The following PIK3CD variants were observed in gnomAD, a reference collection of about 807,000 sequenced individuals.
PIK3CD encodes the protein phosphatidylinositol 4,5-bisphosphate 3-kinase catalytic subunit delta isoform.
In PIK3CD, 20 loss-of-function variants were observed where a neutral mutation model predicts 122.9. The ratio of observed to expected loss-of-function variants is 0.16; its 90% confidence interval spans 0.11 to 0.24. The LOEUF is 0.24. Among genes scored for constraint, PIK3CD ranks in the 10% least tolerant of loss-of-function variants. The pLI is 1.00. For missense variants in PIK3CD, 787 were observed against 1,406.3 expected (o/e 0.56, Z 7.04); for synonymous variants, 596 against 593.4 (o/e 1.00, Z -0.06).
At position 9,723,153 on chromosome 1, in the gene PIK3CD, G is replaced by A. The variant is rs1648958091; in HGVS notation, c.2455G>A (p.Gly819Arg). The part of the protein sequence containing the change: ...RMTPYGCLPT[G>R]DRTGLIEVVL... ...GACCCCCTATGGCTGCCTCCCCACC[G>A]GGGACCGCACAGGCCTCATTGAGGT... is the stretch of plus-strand genomic sequence containing the variant. The change falls in exon 20 of 24, where the codon GGG (glycine) becomes AGG (arginine). Residue 819 changes from glycine (G) to arginine (R), a missense_variant. By Grantham distance (125) the Gly-to-Arg change is moderately radical. Transcript: ENST00000377346. The surrounding 1 kb of genome is among the most constrained non-coding windows in gnomAD (Gnocchi z 4.9). 5 of 1,613,600 alleles carry A rather than the reference G, an allele frequency of 3.1e-6. No individual in the cohort carries two copies. Among genetic ancestry groups the A allele is most frequent in the Non-Finnish European group, 4.2e-6 (5 of 1,179,984 alleles).
chr1:9,635,275 G>GAAA, the PIK3CD span, among the ~76,000 whole-genome samples: 153 of 128,580 alleles, frequency 1.2e-3, 2 homozygotes, highest in East Asian at 2.4e-3. Flanking sequence ...ACTCCATCCT[G>GAAA]AAAAAAAAAA....
rs1648333197 is a variant in PIK3CD, at chr1:9,720,346, G to A, written c.1470+104G>A. On this transcript the variant is annotated intron_variant, in intron 11 of 23. Coordinates refer to ENST00000377346, the MANE Select transcript of PIK3CD (RefSeq NM_005026.5). The surrounding 1 kb of genome is among the most constrained non-coding windows in gnomAD (Gnocchi z 9.0). ...GGTGCTCCCTGGCCACGTCGGGGCT[G>A]GGCTACCAGGCATATCTGGGGCCTT... is the stretch of plus-strand genomic sequence containing the variant. 6.9e-7 allele frequency: 1 copy of A among 1,440,428 alleles called. No individual in the cohort carries two copies. The highest frequency in any genetic ancestry group is 2.5e-5 in the East Asian group (1 of 40,178). 89.2% of individuals were successfully genotyped at this position (1,440,428 alleles called of 1,614,324 possible).
At chr1:9,711,523 T>A (rs1207607027) in intron 3 of PIK3CD, among the ~76,000 whole-genome samples, 1 of 152,184 alleles carries the variant, frequency 6.6e-6, no homozygotes, top group Admixed American at 6.5e-5. Flanking sequence ...CATGACTAGA[T>A]GAGATTAGGG....
At chr1:9,645,505 C>G in the PIK3CD span, among the ~76,000 whole-genome samples, 1 of 151,798 alleles carries the variant, frequency 6.6e-6, no homozygotes, top group Non-Finnish European at 1.5e-5. Flanking sequence ...GTTGCCCAGG[C>G]TGGAGTGCAA....
intron 1 of PIK3CD, among the ~76,000 whole-genome samples, chr1:9,682,163 T>C (rs1000715249): frequency 6.6e-6 from 1 of 152,142 alleles, no homozygotes; most frequent in African/African-American, 2.4e-5. Context: ...GCTCAAGCGA[T>C]CTGCCTGCCT....
chr1:9,690,213 C>T (rs1229824037), intron 1 of PIK3CD, among the ~76,000 whole-genome samples: 1 of 152,218 alleles, frequency 6.6e-6, no homozygotes, highest in East Asian at 1.9e-4. Flanking sequence ...GTGGCAGACC[C>T]AGATCCTGAG....
intron 1 of PIK3CD, among the ~76,000 whole-genome samples, chr1:9,676,249 A>AT (rs1325891769): frequency 6.6e-6 from 1 of 151,898 alleles, no homozygotes. Context: ...TAATTTTTAG[A>AT]TTTTTTGTAG....
chr1:9,697,347 G>A (rs968373025), intron 2 of PIK3CD, among the ~76,000 whole-genome samples: 7 of 151,972 alleles, frequency 4.6e-5, no homozygotes, highest in Non-Finnish European at 7.4e-5. Flanking sequence ...AGTGGAGGTC[G>A]GAGGACTGCT....
chr1:9,648,197 C>A (rs1233969819), upstream of PIK3CD, among the ~76,000 whole-genome samples: 1 of 152,108 alleles, frequency 6.6e-6, no homozygotes, highest in African/African-American at 2.4e-5. Context: ...AAAATATTTA[C>A]GTCAAAGAGG....
At chr1:9,701,201 A>G (rs770128406) in intron 2 of PIK3CD, among the ~76,000 whole-genome samples, 27 of 151,772 alleles carry the variant, frequency 1.8e-4, no homozygotes, top group Non-Finnish European at 2.9e-4. Flanking sequence ...TGCTCATGCC[A>G]CACCCTCCCC....
At position 9,722,517 on chromosome 1, in the gene PIK3CD, C is replaced by T. The variant is rs756291700; in HGVS notation, c.2348-11C>T. 2.6e-5 allele frequency: 42 copies of T among 1,611,962 alleles called. 1 individual carries two copies. In the Middle Eastern group the frequency reaches 6.6e-4, roughly 25 times the overall value. ...AACTCACGCTTCTCCTCCCACCGGC[C>T]GGTGGCACAGACCTCCGGCAGGACA... On this transcript the variant is annotated splice_polypyrimidine_tract_variant and intron_variant, in intron 18 of 23. Transcript: ENST00000377346. This position sits in a 1 kb window ranked among gnomAD's most constrained non-coding sequence, Gnocchi z 7.6.
At chr1:9,708,559 G>A (rs1024015642) in intron 2 of PIK3CD, among the ~76,000 whole-genome samples, 1 of 152,150 alleles carries the variant, frequency 6.6e-6, no homozygotes, top group Non-Finnish European at 1.5e-5. Flanking sequence ...ATAAAAACAT[G>A]CATGGACGTC....
chr1:9,658,238 T>G (rs1644913273), intron 1 of PIK3CD, among the ~76,000 whole-genome samples: 1 of 151,732 alleles, frequency 6.6e-6, no homozygotes, highest in African/African-American at 2.4e-5. Context: ...AAAAATAAAT[T>G]AGCTGGGCCT....
chr1:9,654,579 T>G (rs2100725578), intron 1 of PIK3CD: 1 of 404,320 alleles, frequency 2.5e-6, no homozygotes, highest in Admixed American at 3.6e-5. Flanking sequence ...TTGTTTTACT[T>G]AAATTGCACA....
chr1:9,674,531 A>T (rs1206825691), intron 1 of PIK3CD, among the ~76,000 whole-genome samples: 1 of 151,872 alleles, frequency 6.6e-6, no homozygotes, highest in African/African-American at 2.4e-5. Context: ...CTCTACTAAA[A>T]ATACAAAAAT....
intron 1 of PIK3CD, chr1:9,654,335 GCTCCGT>G (rs915886369): frequency 1.5e-6 from 2 of 1,367,732 alleles, no homozygotes; most frequent in African/African-American, 2.9e-5. Context: ...TAAGCTGTGG[GCTCCGT>G]TTCTCCTCCG....
the PIK3CD span, among the ~76,000 whole-genome samples, chr1:9,640,176 T>C: frequency 2.0e-5 from 3 of 152,120 alleles, no homozygotes; most frequent in Non-Finnish European, 2.9e-5. Context: ...CTTTTCTTTC[T>C]GGAACTTTAA....
chr1:9,679,628 C>T (rs1395040002), intron 1 of PIK3CD, among the ~76,000 whole-genome samples: 1 of 152,178 alleles, frequency 6.6e-6, no homozygotes, highest in Non-Finnish European at 1.5e-5. Flanking sequence ...GCTCTCCCAG[C>T]CCTACAGGTG....
rs1647010824 is a variant in PIK3CD at position 9,710,656 on chromosome 1, CACAGATAG to C, written c.141+66_141+73del. The stretch of plus-strand genomic sequence containing the variant: ...TCAGAGAGAGAGAGAGAGAGAGAGA[CACAGATAG>C]ACAGACAGACAGACAGACAGATGGA... On this transcript the variant is annotated intron_variant, in intron 3 of 23. Transcript: ENST00000377346. The surrounding 1 kb of genome is among the most constrained non-coding windows in gnomAD (Gnocchi z 4.7). 7.5e-7 allele frequency: 1 copy of C among 1,335,486 alleles called. No individual in the cohort carries two copies. Among genetic ancestry groups the C allele is most frequent in the African/African-American group, 1.5e-5 (1 of 66,112 alleles). 82.7% of individuals were successfully genotyped at this position (1,335,486 alleles called of 1,614,324 possible).
Sources: gnomAD v4.1 joint callset for allele counts (sites outside exome capture counted in the v4.1 genomes callset) on GRCh38, gnomAD v4.1.1 for gene constraint, Gnocchi (gnomAD v3.1) non-coding constraint, MANE v1.5 for transcripts, NCBI Gene and HGNC (gene_info 2026-07-23, HGNC 2026-07-21) for gene names.